DNAH6: variants seen among roughly 807,000 people sequenced by gnomAD.
The protein encoded by DNAH6 is dynein axonemal heavy chain 6, also known as axonemal beta dynein heavy chain 6.
A neutral mutation model predicts 491.4 loss-of-function variants in DNAH6; 340 were observed. The ratio of observed to expected loss-of-function variants is 0.69; its 90% CI spans 0.63 to 0.76. DNAH6 has a LOEUF of 0.76. DNAH6 is among the 30% of genes least tolerant of loss of function. DNAH6 has a pLI of 0.00. For missense variants in DNAH6, 4,443 were observed against 4,972.2 expected, an observed-to-expected ratio of 0.89 and a Z score of 3.20; for synonymous variants, 1,603 against 1,686.1, an observed-to-expected ratio of 0.95 and a Z score of 1.21.
At chr2:84,718,480 C>T (rs183625885) in intron 59 of DNAH6, 96 bp downstream of exon 59, 12 of 1,037,596 alleles carry the variant, frequency 1.2e-5, no homozygotes, top group East Asian at 6.0e-5. Context: ...TAAAGCAAGA[C>T]GGGGGCCACA....
In DNAH6 at chr2:84,651,655, A is replaced by G. The variant is rs773479154; in HGVS notation, c.5079-1664A>G. On this transcript the variant is annotated intron_variant, in intron 33 of 76. Transcript: ENST00000389394. ...TCTAGATTGCCAGGATGTAAAAGAC[A>G]AAAAGACACAAGGGACTAGTCACTG... 3.9e-5 allele frequency among the ~76,000 whole-genome samples: 6 copies of G among 152,178 alleles called. No homozygotes were observed. The Middle Eastern group carries it at 0.01, about 259-fold the overall frequency.
At chr2:84,575,735 T>G (rs1682367934) in intron 12 of DNAH6, among the ~76,000 whole-genome samples, 1 of 152,062 alleles carries the variant, frequency 6.6e-6, no homozygotes, top group South Asian at 2.1e-4. Flanking sequence ...GTACAAAAAA[T>G]TAGCCGGGTG....
At chr2:84,495,911 C>T in the DNAH6 span, among the ~76,000 whole-genome samples, 27 of 152,274 alleles carry the variant, frequency 1.8e-4, no homozygotes, top group East Asian at 7.7e-4. Context: ...AAGAAATACA[C>T]GCACACAAAC....
chr2:84,641,998 A>T lies in DNAH6; in HGVS notation c.5022A>T (p.Arg1674Ser). 1 of 1,551,040 alleles carries T rather than the reference A, an allele frequency of 6.4e-7. No individual in the cohort carries two copies. Among genetic ancestry groups the T allele is most frequent in the South Asian group, 1.2e-5 (1 of 84,038 alleles). The stretch of plus-strand genomic sequence containing the variant: ...TAAATGAAGATGTGGTGTTGATAAG[A>T]GCTTTACAAGACTCCAATTTGCCAA... ...PDLNEDVVLI[R>S]ALQDSNLPKF... Residue 1674 changes from arginine (R) to serine (S), a missense_variant, in exon 33 of 77, where the codon AGA (arginine) becomes AGT (serine). By Grantham distance (110) the Arg-to-Ser change is moderately radical (BLOSUM62 -1). Coordinates refer to ENST00000389394, the MANE Select transcript of DNAH6 (RefSeq NM_001370.2).
At chr2:84,573,743 T>C (rs572641460) in intron 12 of DNAH6, among the ~76,000 whole-genome samples, 156 bp downstream of exon 12, 2 of 152,330 alleles carry the variant, frequency 1.3e-5, no homozygotes, top group South Asian at 2.1e-4. Flanking sequence ...TAGGTTATTT[T>C]CTATAGAATC....
chr2:84,646,134 T>C (rs1199742613), intron 33 of DNAH6, among the ~76,000 whole-genome samples: 1 of 152,226 alleles, frequency 6.6e-6, no homozygotes, highest in Non-Finnish European at 1.5e-5. Flanking sequence ...ATTTCAAACT[T>C]TTTTATTATT....
chr2:84,559,920 A>G (rs1309159885), intron 11 of DNAH6, among the ~76,000 whole-genome samples: 1 of 152,186 alleles, frequency 6.6e-6, no homozygotes, highest in Non-Finnish European at 1.5e-5. Flanking sequence ...TAACACTACT[A>G]TAGAAGAATG....
intron 2 of DNAH6, among the ~76,000 whole-genome samples, chr2:84,520,747 C>CT (rs1163259504): frequency 3.9e-5 from 6 of 151,966 alleles, no homozygotes; most frequent in African/African-American, 1.4e-4. Context: ...TGATCTTGTT[C>CT]TTTTTTATGG....
intron 23 of DNAH6, among the ~76,000 whole-genome samples, chr2:84,619,002 C>T (rs1284412527): frequency 6.6e-6 from 1 of 152,156 alleles, no homozygotes; most frequent in Non-Finnish European, 1.5e-5. Context: ...CTGTAACTTG[C>T]CAACCCCAAT....
Position 84,688,447 on chromosome 2 carries a change from A to G in DNAH6, c.7146A>G (p.Ala2382=), listed in dbSNP as rs1694508114. ...IIFGDFIKFG[A]DKADRIYDDM... ...TCTCCCATAAATTATAGTTTGGAGC[A>G]GATAAAGCTGATCGGATTTATGATG... Residue 2382 remains alanine (A), a synonymous_variant, in exon 45 of 77, where the codon GCA becomes GCG. Coordinates refer to ENST00000389394, the MANE Select transcript of DNAH6 (RefSeq NM_001370.2). 6 of 1,511,404 alleles carry G rather than the reference A, an allele frequency of 4.0e-6. No individual in the cohort carries two copies. The highest frequency in any genetic ancestry group is 5.3e-6 in the Non-Finnish European group (6 of 1,136,108). 93.6% of individuals were successfully genotyped at this position (1,511,404 alleles called of 1,614,324 possible).
At chr2:84,603,691 A>T (rs531451580) in intron 18 of DNAH6, among the ~76,000 whole-genome samples, 20 of 152,210 alleles carry the variant, frequency 1.3e-4, no homozygotes, top group African/African-American at 4.8e-4. Flanking sequence ...CCTCAAGGGT[A>T]AATTGTTTTT....
At chr2:84,561,703 C>CA (rs898705831) in intron 11 of DNAH6, among the ~76,000 whole-genome samples, 38 of 151,940 alleles carry the variant, frequency 2.5e-4, no homozygotes, top group African/African-American at 8.9e-4. Flanking sequence ...AAGAAAAAAA[C>CA]AAACAACCCC....
At chr2:84,511,686 G>C (rs1481754704), upstream of DNAH6, among the ~76,000 whole-genome samples, 1 of 152,186 alleles carries the variant, frequency 6.6e-6, no homozygotes, top group Non-Finnish European at 1.5e-5. Context: ...CTATAGACTG[G>C]AGCTGTTCCT....
chr2:84,719,177 C>G (rs1050618576), intron 59 of DNAH6, among the ~76,000 whole-genome samples: 1 of 152,108 alleles, frequency 6.6e-6, no homozygotes, highest in Admixed American at 6.5e-5. Flanking sequence ...ATTGTATAGT[C>G]CCTTGAGATT....
At chr2:84,777,719 C>T in intron 64 of DNAH6, 2 of 829,768 alleles carry the variant, frequency 2.4e-6, no homozygotes, top group South Asian at 1.3e-5. Context: ...AACTCCCAGC[C>T]CTTCCCCCAT....
intron 49 of DNAH6, among the ~76,000 whole-genome samples, chr2:84,703,098 G>A (rs1279434693): frequency 5.3e-5 from 8 of 152,202 alleles, no homozygotes; most frequent in Non-Finnish European, 1.5e-5. Context: ...TGCTACCACA[G>A]GGAATAAAAA....
chr2:84,671,082 C>T (rs772442620), intron 39 of DNAH6, among the ~76,000 whole-genome samples: 17 of 152,050 alleles, frequency 1.1e-4, no homozygotes, highest in Non-Finnish European at 2.1e-4. Flanking sequence ...CTCTTCACTC[C>T]TCCCCACCCT....
chr2:84,653,832 T>G lies in DNAH6; in HGVS notation c.5592T>G (p.Ser1864Arg). Residue 1864 changes from serine to arginine, a missense_variant, in exon 34 of 77, where the codon AGT becomes AGG. This residue lies in a region of DNAH6 where 2,977 missense variants were observed against 3,296.6 expected (regional missense o/e 0.90). Transcript: ENST00000389394. ...ACAAGATGCTTTGCCTGGCTAACAG[T>G]GAGAGGATTAAACTCACACCTCAAA... ...DDNKMLCLAN[S>R]ERIKLTPQIH... 1 of 1,551,276 alleles carries G rather than the reference T, an allele frequency of 6.4e-7. No homozygotes were observed. Among genetic ancestry groups the G allele is most frequent in the Non-Finnish European group, 8.7e-7 (1 of 1,146,574 alleles).
intron 57 of DNAH6, among the ~76,000 whole-genome samples, chr2:84,714,048 C>T (rs780132961): frequency 5.3e-5 from 8 of 152,166 alleles, no homozygotes; most frequent in Non-Finnish European, 7.4e-5. Flanking sequence ...CAAGCTCCCA[C>T]GGGAGTCTCC....
Sources: allele counts gnomAD v4.1 joint callset (sites outside exome capture counted in the v4.1 genomes callset), GRCh38; gene constraint gnomAD v4.1.1; regional missense constraint gnomAD v4.1.1; transcripts MANE v1.5; gene names NCBI Gene and HGNC (gene_info 2026-07-23, HGNC 2026-07-21).